POLN: variants seen among roughly 807,000 people sequenced by gnomAD.
POLN encodes DNA polymerase N.
A neutral mutation model predicts 113.5 loss-of-function variants in POLN; 108 were observed. That is an observed-to-expected ratio of 0.95 (90% CI 0.81 to 1.12). POLN has a LOEUF of 1.12. Ranked by LOEUF, POLN falls within the 50% of genes most tolerant of loss-of-function variation. POLN has a pLI of 0.00. For missense variants in POLN, 1,097 were observed against 1,077.1 expected, an observed-to-expected ratio of 1.02 and a Z score of -0.26; for synonymous variants, 386 against 391.5, an observed-to-expected ratio of 0.99 and a Z score of 0.17.
rs971214052 is a variant in POLN, at chr4:2,072,432, C to T, written c.2518-133G>A. 5.7e-5 allele frequency: 43 copies of T among 755,230 alleles called. No individual in the cohort carries two copies. In the East Asian group the frequency reaches 6.8e-4, roughly 12 times the overall value. 46.8% of individuals were successfully genotyped at this position (755,230 alleles called of 1,614,324 possible). On this transcript the variant is annotated intron_variant, in intron 25 of 25. Coordinates refer to ENST00000511885, the MANE Select transcript of POLN (RefSeq NM_181808.4). ...CCAGATACATGATCAGACAGCCACA[C>T]GCACACATGTGCATACACGTGCACA...
At chr4:2,156,608 G>C (rs2108740054) in intron 16 of POLN, 180 bp downstream of exon 16, 1 of 665,378 alleles carries the variant, frequency 1.5e-6, no homozygotes, top group East Asian at 2.8e-5. Context: ...CATGAGAAGA[G>C]AACCCATCTG....
At position 2,156,871 on chromosome 4, in the gene POLN, A is replaced by T. The variant is rs1008159366; in HGVS notation, c.1666-18T>A. ...ATGGAGCCCTTTATTAGTTAAAAAG[A>T]ATCAGTGTAAACTCCAGCAATGCTA... On this transcript the variant is annotated intron_variant, in intron 15 of 25. Transcript: ENST00000511885. 1 of 1,590,284 alleles carries T rather than the reference A, an allele frequency of 6.3e-7. No individual in the cohort carries two copies. Among genetic ancestry groups the T allele is most frequent in the African/African-American group, 1.3e-5 (1 of 74,388 alleles).
At chr4:2,204,736 T>C (rs906021013) in intron 5 of POLN, among the ~76,000 whole-genome samples, 1 of 152,082 alleles carries the variant, frequency 6.6e-6, no homozygotes, top group Non-Finnish European at 1.5e-5. Context: ...AAAAAGATAA[T>C]CCACCATGAT....
In POLN at chr4:2,129,482, G is replaced by T. The variant is rs551155196; in HGVS notation, c.1790-226C>A. ...TAGCTCACTGCAGCCTCGCACTCCA[G>T]GGCTTAAGCAATACTCCTGCCTCAG... On this transcript the variant is annotated intron_variant, in intron 17 of 25. Transcript: ENST00000511885. Among the ~76,000 whole-genome samples the T allele has an allele frequency of 2.6e-5, 4 of 152,164 alleles. No individual in the cohort carries two copies. In the South Asian group the frequency reaches 6.2e-4, roughly 24 times the overall value.
intron 19 of POLN, among the ~76,000 whole-genome samples, chr4:2,124,467 G>A (rs1731529230): frequency 6.6e-6 from 1 of 152,012 alleles, no homozygotes; most frequent in Admixed American, 6.6e-5. Flanking sequence ...TTGTAGAGAT[G>A]GGAGTCTTGC....
chr4:2,142,739 A>C (rs2108732184), intron 16 of POLN, among the ~76,000 whole-genome samples: 1 of 152,348 alleles, frequency 6.6e-6, no homozygotes, highest in African/African-American at 2.4e-5. Context: ...CAGGAAAAGG[A>C]CAGCCTAGCG....
At position 2,158,000 on chromosome 4, in the gene POLN, G is replaced by A. The variant is rs548435914; in HGVS notation, c.1612-89C>T. 28 of 967,594 alleles carry A rather than the reference G, an allele frequency of 2.9e-5. No homozygotes were observed. The African/African-American group carries it at 4.5e-4, about 15-fold the overall frequency. The allele number at this position is 967,594 out of a possible 1,614,324, so 59.9% of individuals were successfully genotyped here. Reference sequence around the variant, plus strand: ...GGAGTCTCGCTCCATTGCCCAGGCTGGAGTGCAGTGGCGTGATCTCGGCTT... The same window carrying A: ...GGAGTCTCGCTCCATTGCCCAGGCTAGAGTGCAGTGGCGTGATCTCGGCTT... On this transcript the variant is annotated intron_variant, in intron 14 of 25. Transcript: ENST00000511885.
chr4:2,124,914 T>C (rs1384698455), intron 19 of POLN, among the ~76,000 whole-genome samples: 1 of 152,090 alleles, frequency 6.6e-6, no homozygotes. Flanking sequence ...AAAGTTTGTT[T>C]TAAGAAGCAA....
At chr4:2,118,039 A>G (rs1238455949) in intron 19 of POLN, among the ~76,000 whole-genome samples, 1 of 152,208 alleles carries the variant, frequency 6.6e-6, no homozygotes, top group African/African-American at 2.4e-5. Context: ...ATTTGACTTT[A>G]GTCAGCTCTA....
chr4:2,158,298 G>A (rs769091595), intron 14 of POLN, among the ~76,000 whole-genome samples: 20 of 151,998 alleles, frequency 1.3e-4, no homozygotes, highest in African/African-American at 4.1e-4. Context: ...ACAGAGTGCC[G>A]GGCACGTGCT....
At chr4:2,204,622 G>A (rs1733800946) in intron 5 of POLN, among the ~76,000 whole-genome samples, 1 of 152,072 alleles carries the variant, frequency 6.6e-6, no homozygotes. Flanking sequence ...CCAATACCAG[G>A]AAAGGATACC....
At position 2,236,395 on chromosome 4, in the gene POLN, G is replaced by C. The variant is rs745416125; in HGVS notation, c.-13+5125C>G. ...TTCAATTTCTCAGCCACTTCCTCAA[G>C]GTTTCCATGAGTTAGAAACAATTCT... On this transcript the variant is annotated intron_variant, in intron 2 of 25. Transcript: ENST00000511885. 4.3e-6 allele frequency: 7 copies of C among 1,613,660 alleles called. No individual in the cohort carries two copies. In the South Asian group the frequency reaches 7.7e-5, roughly 18 times the overall value.
At chr4:2,116,978 T>C (rs138566082) in intron 19 of POLN, among the ~76,000 whole-genome samples, 1 of 152,356 alleles carries the variant, frequency 6.6e-6, no homozygotes, top group African/African-American at 2.4e-5. Flanking sequence ...AAACAAATAG[T>C]TGCACCTGTG....
At chr4:2,177,769 T>A (rs1437942648) in intron 8 of POLN, among the ~76,000 whole-genome samples, 1 of 152,232 alleles carries the variant, frequency 6.6e-6, no homozygotes. Flanking sequence ...GAAGTGTGGG[T>A]AGGGATACTA....
At position 2,147,470 on chromosome 4, in the gene POLN, A is replaced by C. The variant is rs549724903; in HGVS notation, c.1731+9318T>G. Among the ~76,000 whole-genome samples the C allele has an allele frequency of 3.3e-5, 5 of 152,114 alleles. No homozygotes were observed. The East Asian group carries it at 9.7e-4, about 29-fold the overall frequency. On this transcript the variant is annotated intron_variant, in intron 16 of 25. Transcript: ENST00000511885. ...TGGGGAAAGAGGAGGATTTAGAAAA[A>C]CAAGACTCCATGACCAATCCATGCC...
chr4:2,072,213 T>G lies in POLN; in HGVS notation c.2604A>C (p.Pro868=). The change falls in exon 26 of 26, where the codon CCA becomes CCC. Residue 868 remains proline (P), a synonymous_variant. Coordinates refer to ENST00000511885, the MANE Select transcript of POLN (RefSeq NM_181808.4). ...TGTTGCTGGGAGACTCAGTGCGACA[T>G]GGGCCTGGCGGAGGGCCCCAGGCCT... ...LQEAWGPPPG[P]CRTESPSNSL... is the part of the protein sequence containing the mutation. 6.2e-7 allele frequency: 1 copy of G among 1,607,644 alleles called. No homozygotes were observed. Among genetic ancestry groups the G allele is most frequent in the East Asian group, 2.2e-5 (1 of 44,708 alleles).
chr4:2,087,983 G>C (rs3117824), intron 20 of POLN, among the ~76,000 whole-genome samples: 127,479 of 151,660 alleles, frequency 0.84, 54,152 homozygotes, highest in Non-Finnish European at 0.9. Context: ...TATGCCCACT[G>C]TGCCTGGTTA....
Position 2,134,021 on chromosome 4 carries a change from C to T in POLN, c.1732-2731G>A, listed in dbSNP as rs73079286. Among the ~76,000 whole-genome samples, 717 of 152,316 alleles carry T rather than the reference C, an allele frequency of 4.7e-3. 9 individuals carry two copies. The highest frequency in any genetic ancestry group is 0.016 in the African/African-American group (685 of 41,584). ...CTTATCCAACCTCATCCCCAAGTGC[C>T]AGCTCTGAACTTTTGGAAACCACTC... On this transcript the variant is annotated intron_variant, in intron 16 of 25. Transcript: ENST00000511885.
At chr4:2,149,227 G>GA (rs1466056201) in intron 16 of POLN, among the ~76,000 whole-genome samples, 1 of 152,190 alleles carries the variant, frequency 6.6e-6, no homozygotes, top group African/African-American at 2.4e-5. Flanking sequence ...CTGGGAGGCA[G>GA]AAGTTGCCAT....
Sources: allele counts gnomAD v4.1 joint callset (sites outside exome capture counted in the v4.1 genomes callset), GRCh38; gene constraint gnomAD v4.1.1; transcripts MANE v1.5; gene names NCBI Gene and HGNC (gene_info 2026-07-23, HGNC 2026-07-21).